The following GABRA1 variants were observed in gnomAD, a reference collection of about 807,000 sequenced individuals.
GABRA1 encodes the protein gamma-aminobutyric acid receptor subunit alpha-1.
In GABRA1, 9 loss-of-function variants were observed where a neutral mutation model predicts 48.9. The ratio of observed to expected loss-of-function variants is 0.18; its 90% CI spans 0.11 to 0.32. The LOEUF (loss-of-function observed/expected upper bound fraction) is 0.32, where lower values mean the gene tolerates loss of function less well. Ranked by LOEUF, GABRA1 falls within the 10% of genes least tolerant of loss-of-function variation. The pLI, the probability that GABRA1 is intolerant of heterozygous loss-of-function variation, is 1.00. For missense variants in GABRA1, 285 were observed against 553.8 expected, an observed-to-expected ratio of 0.51 and a Z score of 4.87; for synonymous variants, 210 against 198.7, an observed-to-expected ratio of 1.06 and a Z score of -0.48.
intron 2 of GABRA1, 107 bp from the exon 3 acceptor site, chr5:161,854,051 G>T: frequency 3.5e-6 from 2 of 568,964 alleles, no homozygotes; most frequent in South Asian, 2.7e-5. Context: ...TTCAAGTTAA[G>T]ATTCAGTAGA....
At chr5:161,864,473 A>G (rs547638027) in intron 3 of GABRA1, among the ~76,000 whole-genome samples, 159 of 152,132 alleles carry the variant, frequency 1.0e-3, no homozygotes, top group Non-Finnish European at 1.8e-3. Context: ...GACAGTCTTA[A>G]CTCTTCACAA....
intron 3 of GABRA1, among the ~76,000 whole-genome samples, chr5:161,855,524 T>C (rs1757614175): frequency 6.6e-6 from 1 of 151,522 alleles, no homozygotes; most frequent in African/African-American, 2.4e-5. Flanking sequence ...CAAGTTTATA[T>C]TGAAGTTTTT....
intron 1 of GABRA1, chr5:161,850,182 G>A (rs772145679): frequency 6.5e-6 from 1 of 154,706 alleles, no homozygotes; most frequent in East Asian, 1.9e-4. Context: ...ACATTAGGAA[G>A]CATGTTTAAC....
intron 5 of GABRA1, among the ~76,000 whole-genome samples, chr5:161,874,307 G>C (rs901321966): frequency 6.6e-6 from 1 of 152,168 alleles, no homozygotes; most frequent in South Asian, 2.1e-4. Flanking sequence ...AGACACTTTG[G>C]ATATTGAGCC....
intron 5 of GABRA1, among the ~76,000 whole-genome samples, 166 bp from the exon 6 acceptor site, chr5:161,875,394 T>C (rs1229549726): frequency 6.6e-6 from 1 of 152,202 alleles, no homozygotes; most frequent in Non-Finnish European, 1.5e-5. Context: ...CACTCATTAT[T>C]GTAAATATGT....
Position 161,873,323 on chromosome 5 carries a change from G to C in GABRA1, c.462G>C (p.Leu154Phe). 6.2e-7 allele frequency: 1 copy of C among 1,613,222 alleles called. No individual in the cohort carries two copies. Among genetic ancestry groups the C allele is most frequent in the Non-Finnish European group, 8.5e-7 (1 of 1,179,394 alleles). ...TGCGGATCACAGAGGATGGCACCTT[G>C]CTGTACACCATGAGGTAAGGATGGC... ...KLLRITEDGTLLYTMRLTVRA... is the reference protein window; with the variant it reads ...KLLRITEDGTFLYTMRLTVRA... The change falls in exon 5 of 10, where the codon TTG becomes TTC. Residue 154 changes from leucine to phenylalanine, a missense_variant. This residue lies in a region of GABRA1 where 105 missense variants were observed against 267.4 expected (regional missense o/e 0.39). Transcript: ENST00000393943.
At chr5:161,851,167 G>A (rs534518815) in intron 2 of GABRA1, among the ~76,000 whole-genome samples, 25 of 152,198 alleles carry the variant, frequency 1.6e-4, no homozygotes, top group Non-Finnish European at 3.5e-4. Flanking sequence ...TGAACAAAAC[G>A]TGCGGTTTCC....
chr5:161,895,324 A>G (rs1293086198), intron 8 of GABRA1, among the ~76,000 whole-genome samples: 3 of 152,118 alleles, frequency 2.0e-5, no homozygotes, highest in Admixed American at 1.3e-4. Flanking sequence ...TGTGATTTCT[A>G]TATCAAGAAC....
rs1490241348 is a variant in GABRA1, at chr5:161,898,740, A to C, written c.*1318A>C. 6.6e-6 allele frequency: 1 copy of C among 152,556 alleles called. No homozygotes were observed. Among genetic ancestry groups the C allele is most frequent in the Non-Finnish European group, 1.5e-5 (1 of 67,976 alleles). The allele number at this position is 152,556 out of a possible 1,614,324, so 9.5% of individuals were successfully genotyped here. The stretch of plus-strand genomic sequence containing the variant: ...TATTATAATATAGAAAGAAAATGGG[A>C]AGCATTAGTTGGAGCTAGAAAATGA... On this transcript the variant is annotated 3_prime_UTR_variant, in exon 10 of 10. Coordinates refer to ENST00000393943, the MANE Select transcript of GABRA1 (RefSeq NM_001127644.2).
chr5:161,849,723 T>A (rs557372035), intron 1 of GABRA1, among the ~76,000 whole-genome samples: 4 of 152,368 alleles, frequency 2.6e-5, no homozygotes, highest in Admixed American at 2.6e-4. Flanking sequence ...TTAAATACTT[T>A]GAACATTCCT....
At chr5:161,874,887 A>AAAAAC (rs1217488891) in intron 5 of GABRA1, among the ~76,000 whole-genome samples, 2 of 152,260 alleles carry the variant, frequency 1.3e-5, no homozygotes, top group Admixed American at 6.5e-5. Context: ...CAATCCAAAA[A>AAAAAC]AAAACAAAAC....
chr5:161,865,821 A>C, intron 4 of GABRA1, 33 bp downstream of exon 4: 1 of 1,579,264 alleles, frequency 6.3e-7, no homozygotes, highest in Non-Finnish European at 8.7e-7. Flanking sequence ...CTTTTCTTGA[A>C]GAATTTTTAA....
chr5:161,889,400 A>G (rs1250977461), intron 7 of GABRA1, among the ~76,000 whole-genome samples: 2 of 152,076 alleles, frequency 1.3e-5, no homozygotes, highest in African/African-American at 2.4e-5. Flanking sequence ...GACTTATCAA[A>G]AGCTACACGG....
At chr5:161,893,013 AATAATAATAAT>A (rs1755177919) in intron 8 of GABRA1, among the ~76,000 whole-genome samples, 4 of 63,150 alleles carry the variant, frequency 6.3e-5, no homozygotes, top group Admixed American at 1.5e-4. Context: ...TCAAAAAAAT[AATAATAATAAT>A]AATAATAATA....
intron 4 of GABRA1, among the ~76,000 whole-genome samples, chr5:161,867,805 G>A (rs575422245): frequency 2.6e-5 from 4 of 151,970 alleles, no homozygotes; most frequent in Admixed American, 1.3e-4. Flanking sequence ...TTGACTTTCC[G>A]TTTTTGTATT....
chr5:161,857,258 A>T (rs1390574869), intron 3 of GABRA1, among the ~76,000 whole-genome samples: 5 of 151,440 alleles, frequency 3.3e-5, no homozygotes. Flanking sequence ...CATTATGCAA[A>T]AAACGGGGAT....
At chr5:161,893,304 T>C (rs550667812) in intron 8 of GABRA1, among the ~76,000 whole-genome samples, 1 of 152,216 alleles carries the variant, frequency 6.6e-6, no homozygotes, top group East Asian at 1.9e-4. Context: ...TAAACTTAGT[T>C]GTGACAAGTA....
In GABRA1 at chr5:161,899,750, T is replaced by C; in HGVS notation, c.*2328T>C. ...ATACACTCTTATAGGGGACAGTTCC[T>C]GTTCACTCCCAGGAAACTTTTTTAA... On this transcript the variant is annotated 3_prime_UTR_variant, in exon 10 of 10. Transcript: ENST00000393943. 1 of 152,208 alleles carries C rather than the reference T, an allele frequency of 6.6e-6. No homozygotes were observed. Among genetic ancestry groups the C allele is most frequent in the South Asian group, 2.1e-4 (1 of 4,836 alleles). 9.4% of individuals were successfully genotyped at this position (152,208 alleles called of 1,614,324 possible). A position where few individuals can be genotyped will look rare whatever the true frequency, so the allele number is the denominator to read the frequency against.
intron 8 of GABRA1, among the ~76,000 whole-genome samples, chr5:161,891,727 G>A (rs559405367): frequency 6.6e-5 from 10 of 152,116 alleles, no homozygotes; most frequent in East Asian, 1.9e-4. Flanking sequence ...CTATATCCCC[G>A]TATACTATTT....
Sources: gnomAD v4.1 joint callset for allele counts (sites outside exome capture counted in the v4.1 genomes callset) on GRCh38, gnomAD v4.1.1 for gene constraint, gnomAD v4.1.1 regional missense constraint, MANE v1.5 for transcripts, NCBI Gene and HGNC (gene_info 2026-07-23, HGNC 2026-07-21) for gene names.